RGSL1: variants seen among roughly 807,000 people sequenced by gnomAD.
RGSL1 encodes regulator of G protein signaling like 1.
A neutral mutation model predicts 124.7 loss-of-function variants in RGSL1; 97 were observed. The observed-to-expected ratio is 0.78, with a 90% confidence interval of 0.66 to 0.92. The LOEUF is 0.92. Among genes scored for constraint, RGSL1 ranks in the 40% least tolerant of loss-of-function variants. The probability of loss-of-function intolerance (pLI) is 0.00; values close to 1 mark genes in which losing one functional copy is unlikely to be tolerated. For synonymous variants in RGSL1, 424 were observed against 438.1 expected, an observed-to-expected ratio of 0.97 and a Z score of 0.40; for missense variants, 1,233 against 1,288.4, an observed-to-expected ratio of 0.96 and a Z score of 0.66.
intron 13 of RGSL1, among the ~76,000 whole-genome samples, chr1:182,532,278 T>C (rs754877639): frequency 5.3e-5 from 8 of 152,216 alleles, no homozygotes; most frequent in Non-Finnish European, 1.2e-4. Flanking sequence ...ATTTCCTTAT[T>C]CCTTCAATGT....
Position 182,553,497 on chromosome 1 carries a change from A to G in RGSL1, c.3086A>G (p.Glu1029Gly). 6.4e-7 allele frequency: 1 copy of G among 1,552,000 alleles called. No homozygotes were observed. Among genetic ancestry groups the G allele is most frequent in the Non-Finnish European group, 8.7e-7 (1 of 1,147,062 alleles). ...ILRFTLLRGI[E>G]WLQPQREAIS... ...AGGTTCACCTTGCTCAGAGGTATTGAGTGGTTGCAGCCTCAACGGGAAGCA... is the reference window on the plus strand; with the variant it reads ...AGGTTCACCTTGCTCAGAGGTATTGGGTGGTTGCAGCCTCAACGGGAAGCA... Residue 1029 changes from glutamate (E) to glycine (G), a missense_variant, in exon 19 of 22, where the codon GAG (glutamate) becomes GGG (glycine). Glu to Gly is a moderately conservative substitution (Grantham distance 98). Transcript: ENST00000294854.
chr1:182,493,640 A>T (rs1351140343), intron 9 of RGSL1, among the ~76,000 whole-genome samples: 1 of 152,142 alleles, frequency 6.6e-6, no homozygotes, highest in African/African-American at 2.4e-5. Context: ...AAGAAATTTA[A>T]TTTGGGCTTT....
chr1:182,517,183 T>G (rs1038471688), intron 9 of RGSL1, among the ~76,000 whole-genome samples: 3 of 152,164 alleles, frequency 2.0e-5, no homozygotes, highest in Admixed American at 6.5e-5. Context: ...TTTGAAAATG[T>G]TGCTCAACTC....
intron 2 of RGSL1, among the ~76,000 whole-genome samples, chr1:182,455,452 G>C (rs1223196966): frequency 6.6e-6 from 1 of 152,030 alleles, no homozygotes; most frequent in Non-Finnish European, 1.5e-5. Context: ...CGTGGTGGCG[G>C]GAGCCTGTAG....
rs1465070458 is a variant in RGSL1 at position 182,548,744 on chromosome 1, C to T, written c.2853C>T (p.Ile951=). The change falls in exon 17 of 22, where the codon ATC becomes ATT. Residue 951 remains isoleucine (I), a synonymous_variant. Transcript: ENST00000294854. The part of the protein sequence containing the change: ...EFQKDAILAA[I]TEGYLDRSVF... ...AGAAGGATGCCATCCTTGCTGCCAT[C>T]ACAGAGGGCTACCTAGATCGGAGCG... The T allele has an allele frequency of 6.4e-6, 10 of 1,551,630 alleles. No homozygotes were observed. The highest frequency in any genetic ancestry group is 8.7e-6 in the Non-Finnish European group (10 of 1,146,984).
Position 182,540,362 on chromosome 1 carries a change from CA to C in RGSL1, c.2611del (p.Arg871GlyfsTer42), listed in dbSNP as rs1659816196. Reference protein sequence around the residue: ...TLVKRRIFGHRIITVNFAIND... With the variant: ...TLVKRRIFGHXIITVNFAIND... ...TTGTAAAGCGTCGTATATTTGGCCA[CA>C]GGATTATCACTGTCAACTTTGCGAT... is the stretch of plus-strand genomic sequence containing the variant. On this transcript the variant is annotated frameshift_variant, in exon 15 of 22. Transcript: ENST00000294854. LOFTEE classifies it high-confidence loss of function. The C allele has an allele frequency of 6.4e-7, 1 of 1,551,248 alleles. No individual in the cohort carries two copies. The highest frequency in any genetic ancestry group is 2.0e-5 in the Admixed American group (1 of 50,964).
At chr1:182,550,964 C>T in intron 17 of RGSL1, 136 bp from the exon 18 acceptor site, 1 of 637,704 alleles carries the variant, frequency 1.6e-6, no homozygotes, top group Non-Finnish European at 2.8e-6. Flanking sequence ...AACCCCAAGG[C>T]CAGGATGCTT....
rs184014085 is a variant in RGSL1, at chr1:182,455,864, G to C, written c.96+1824G>C. Among the ~76,000 whole-genome samples, 8 of 152,318 alleles carry C rather than the reference G, an allele frequency of 5.3e-5. No individual in the cohort carries two copies. The East Asian group carries it at 1.5e-3, about 29-fold the overall frequency. On this transcript the variant is annotated intron_variant, in intron 2 of 21. Transcript: ENST00000294854. ...GGACATTACCCCAAGGTGTTAGAGAGCCATCGAAGGATTTGAAGTAAAGGA... is the reference window on the plus strand; with the variant it reads ...GGACATTACCCCAAGGTGTTAGAGACCCATCGAAGGATTTGAAGTAAAGGA...
intron 7 of RGSL1, chr1:182,488,725 CAAAA>C (rs561296385): frequency 7.3e-3 from 757 of 104,260 alleles, no homozygotes; most frequent in South Asian, 0.013. Flanking sequence ...GACTCCGTCT[CAAAA>C]AAAAAAAAAA....
At chr1:182,529,124 T>A (rs1558389153) in intron 11 of RGSL1, among the ~76,000 whole-genome samples, 1 of 152,166 alleles carries the variant, frequency 6.6e-6, no homozygotes, top group Admixed American at 6.5e-5. Flanking sequence ...CCAAACTATA[T>A]CACTAGTGAA....
intron 17 of RGSL1, chr1:182,549,778 CTATT>C (rs1660447447): frequency 6.6e-6 from 1 of 152,128 alleles, no homozygotes; most frequent in African/African-American, 2.4e-5. Context: ...AGATAATAAA[CTATT>C]TAATACAGAA....
intron 9 of RGSL1, among the ~76,000 whole-genome samples, chr1:182,521,030 T>C (rs1255694371): frequency 1.3e-5 from 2 of 152,200 alleles, no homozygotes; most frequent in Non-Finnish European, 2.9e-5. Flanking sequence ...CTGAGATCCA[T>C]GAAATCTATT....
chr1:182,551,123 G>A lies in RGSL1; in HGVS notation c.2957G>A (p.Arg986His), dbSNP rs182399502. 6.0e-4 allele frequency: 931 copies of A among 1,551,618 alleles called. 10 individuals are homozygous for A. In the Middle Eastern group the frequency reaches 0.017, roughly 28 times the overall value. Reference protein sequence around the residue: ...WKRFCFWKATRSYLQYRGKKF... With the variant: ...WKRFCFWKATHSYLQYRGKKF... ...AGGTTTTGTTTCTGGAAGGCAACCC[G>A]CTCTTACTTACAGTATAGGGGGAAG... is the stretch of plus-strand genomic sequence containing the variant. The change falls in exon 18 of 22, where the codon CGC becomes CAC. Residue 986 changes from arginine (R) to histidine (H), a missense_variant. Coordinates refer to ENST00000294854, the MANE Select transcript of RGSL1 (RefSeq NM_001137669.2).
At chr1:182,452,718 G>A (rs1558212380) in intron 1 of RGSL1, among the ~76,000 whole-genome samples, 1 of 152,140 alleles carries the variant, frequency 6.6e-6, no homozygotes, top group Non-Finnish European at 1.5e-5. Flanking sequence ...CTCCCAAAGT[G>A]TTGGGATTAT....
At chr1:182,492,627 C>A (rs990704380) in intron 8 of RGSL1, among the ~76,000 whole-genome samples, 3 of 116,854 alleles carry the variant, frequency 2.6e-5, no homozygotes, top group African/African-American at 9.3e-5. Flanking sequence ...CTTTAAATAA[C>A]CTTTTTTTTT....
intron 13 of RGSL1, among the ~76,000 whole-genome samples, chr1:182,531,393 G>A (rs1278008420): frequency 6.6e-6 from 1 of 151,940 alleles, no homozygotes; most frequent in Non-Finnish European, 1.5e-5. Flanking sequence ...TGGGAGAACA[G>A]AAAAAAGGAA....
rs1019268468 is a variant in RGSL1 at position 182,474,472 on chromosome 1, G to A, written c.1361G>A (p.Gly454Asp). 5.2e-6 allele frequency: 8 copies of A among 1,551,720 alleles called. No individual in the cohort carries two copies. In the African/African-American group the frequency reaches 8.2e-5, roughly 16 times the overall value. The stretch of plus-strand genomic sequence containing the variant: ...CCACTCAAATCCCAAACCATTCAGG[G>A]CCTGAAGGAACTATTGCCCTCTGGG... ...CLPLKSQTIQ[G>D]LKELLPSGDV... The change falls in exon 6 of 22, where the codon GGC (glycine) becomes GAC (aspartate). Residue 454 changes from glycine (G) to aspartate (D), a missense_variant. Physicochemically the swap from Gly to Asp is moderately conservative, Grantham distance 94. Coordinates refer to ENST00000294854, the MANE Select transcript of RGSL1 (RefSeq NM_001137669.2).
At chr1:182,534,383 C>A (rs1659397609) in intron 14 of RGSL1, among the ~76,000 whole-genome samples, 1 of 152,130 alleles carries the variant, frequency 6.6e-6, no homozygotes, top group Non-Finnish European at 1.5e-5. Flanking sequence ...AGTTGAGCAT[C>A]TTTATTTATT....
chr1:182,553,578 C>T (rs1660695191), intron 19 of RGSL1, 37 bp downstream of exon 19: 3 of 1,526,526 alleles, frequency 2.0e-6, no homozygotes, highest in Non-Finnish European at 2.7e-6. Context: ...TAGTTTGCTA[C>T]TCAATCAGAG....
Sources: allele counts gnomAD v4.1 joint callset (sites outside exome capture counted in the v4.1 genomes callset), GRCh38; gene constraint gnomAD v4.1.1; transcripts MANE v1.5; gene names NCBI Gene and HGNC (gene_info 2026-07-23, HGNC 2026-07-21).